OXR1: variants seen among roughly 807,000 people sequenced by gnomAD.
The protein encoded by OXR1 is oxidation resistance 1, also known as oxidation resistance protein 1.
Under a neutral mutation model 104.6 loss-of-function variants are expected in OXR1, and 41 were observed. That is an observed-to-expected ratio of 0.39 (90% CI 0.31 to 0.51). The LOEUF (loss-of-function observed/expected upper bound fraction) is 0.51. OXR1 is among the 20% of genes least tolerant of loss of function. The pLI, the probability that OXR1 is intolerant of heterozygous loss-of-function variation, is 0.77. For synonymous variants in OXR1, 348 were observed against 348.4 expected (o/e 1.00, Z 0.01); for missense variants, 955 against 1,031.9 (o/e 0.93, Z 1.02).
chr8:106,553,313 T>G (rs1243904999), intron 3 of OXR1, among the ~76,000 whole-genome samples: 1 of 111,488 alleles, frequency 9.0e-6, no homozygotes, highest in Non-Finnish European at 1.8e-5. Context: ...TTTCATGCAA[T>G]TTTCTTCTTT....
In OXR1 at chr8:106,407,573, T is replaced by C. The variant is rs117512348; in HGVS notation, c.23+47937T>C. On this transcript the variant is annotated intron_variant, in intron 2 of 16. Transcript: ENST00000517566. ...TTTATAGACACAGGCACTGAAATTC[T>C]CAAGAGTTAAACAGTTTCCCCAAGA... Among the ~76,000 whole-genome samples the C allele has an allele frequency of 0.011, 1,679 of 152,292 alleles. 70 individuals are homozygous for C. The South Asian group carries it at 0.12, about 11-fold the overall frequency.
At chr8:106,694,244 T>A (rs1034334460) in intron 7 of OXR1, among the ~76,000 whole-genome samples, 1 of 151,520 alleles carries the variant, frequency 6.6e-6, no homozygotes, top group Non-Finnish European at 1.5e-5. Flanking sequence ...ATTCCACAAG[T>A]GTCAATCAAA....
intron 1 of OXR1, among the ~76,000 whole-genome samples, chr8:106,308,085 G>A (rs1813539700): frequency 1.3e-5 from 2 of 151,970 alleles, no homozygotes; most frequent in Non-Finnish European, 2.9e-5. Flanking sequence ...TGGAGACTGA[G>A]AAGTTTCACA....
intron 3 of OXR1, among the ~76,000 whole-genome samples, chr8:106,592,185 G>A (rs922469294): frequency 1.3e-5 from 2 of 152,144 alleles, no homozygotes; most frequent in Non-Finnish European, 2.9e-5. Flanking sequence ...ACTACTGTGT[G>A]CCTACGTAGA....
At chr8:106,568,406 A>G (rs1373960159) in intron 3 of OXR1, among the ~76,000 whole-genome samples, 1 of 152,138 alleles carries the variant, frequency 6.6e-6, no homozygotes, top group Non-Finnish European at 1.5e-5. Context: ...TGCCTTTTCT[A>G]TGAAACCTTC....
At chr8:106,483,405 C>A (rs1380546061) in intron 2 of OXR1, among the ~76,000 whole-genome samples, 1 of 151,698 alleles carries the variant, frequency 6.6e-6, no homozygotes, top group Non-Finnish European at 1.5e-5. Flanking sequence ...GCCATTAAAA[C>A]CATCCACTTA....
At chr8:106,599,344 T>C (rs1009287725) in intron 3 of OXR1, among the ~76,000 whole-genome samples, 4 of 152,192 alleles carry the variant, frequency 2.6e-5, no homozygotes, top group Non-Finnish European at 5.9e-5. Flanking sequence ...TGTAACTCAG[T>C]GGTCAAAAAT....
intron 3 of OXR1, among the ~76,000 whole-genome samples, chr8:106,676,697 C>T (rs539800068): frequency 2.0e-5 from 3 of 151,874 alleles, no homozygotes; most frequent in Non-Finnish European, 4.4e-5. Flanking sequence ...GGTGACCTGG[C>T]CTTTTTCTCT....
chr8:106,515,358 A>G (rs1586745376), intron 2 of OXR1, among the ~76,000 whole-genome samples: 1 of 152,288 alleles, frequency 6.6e-6, no homozygotes, highest in African/African-American at 2.4e-5. Flanking sequence ...GAAATACACT[A>G]CATTGGTATT....
intron 3 of OXR1, among the ~76,000 whole-genome samples, chr8:106,571,372 G>A (rs541094184): frequency 1.3e-5 from 2 of 152,210 alleles, no homozygotes; most frequent in African/African-American, 4.8e-5. Context: ...CAGAGAGAGA[G>A]AAAGCTCTGT....
intron 3 of OXR1, among the ~76,000 whole-genome samples, chr8:106,569,759 A>G (rs1352417532): frequency 1.3e-5 from 2 of 152,226 alleles, no homozygotes; most frequent in African/African-American, 4.8e-5. Flanking sequence ...TTCAGTAAAT[A>G]ATGTTTTACA....
At chr8:106,404,089 G>A (rs1267790834) in intron 2 of OXR1, among the ~76,000 whole-genome samples, 4 of 152,120 alleles carry the variant, frequency 2.6e-5, no homozygotes, top group Non-Finnish European at 5.9e-5. Flanking sequence ...TTTTCAGATG[G>A]GGGTGGAAAG....
chr8:106,545,284 TTGTC>T (rs1467623283), intron 3 of OXR1, among the ~76,000 whole-genome samples: 3 of 152,344 alleles, frequency 2.0e-5, no homozygotes, highest in East Asian at 1.9e-4. Context: ...ATGTGATTGA[TTGTC>T]TGAAAACAAG....
At chr8:106,582,187 TATATATATATATATATGAAGGAAC>T (rs1818292052) in intron 3 of OXR1, among the ~76,000 whole-genome samples, 1 of 143,468 alleles carries the variant, frequency 7.0e-6, no homozygotes, top group Admixed American at 6.9e-5. Context: ...CATATATATA[TATATATATATATATATGAAGGAAC>T]ATATATATAT....
At position 106,375,826 on chromosome 8, in the gene OXR1, G is replaced by A. The variant is rs543401466; in HGVS notation, c.23+16190G>A. Among the ~76,000 whole-genome samples, 3 of 152,310 alleles carry A rather than the reference G, an allele frequency of 2.0e-5. No homozygotes were observed. In the East Asian group the frequency reaches 5.8e-4, roughly 29 times the overall value. ...AGGTGACATCATTTGGTTCCTATAA[G>A]GCTATTCTGTGCCTACCATATGCAG... On this transcript the variant is annotated intron_variant, in intron 2 of 16. Coordinates refer to ENST00000517566, the MANE Select transcript of OXR1 (RefSeq NM_001198533.2).
At chr8:106,376,068 C>G (rs1816895140) in intron 2 of OXR1, among the ~76,000 whole-genome samples, 1 of 152,206 alleles carries the variant, frequency 6.6e-6, no homozygotes. Context: ...AGGCTGGTCT[C>G]AAACTCCTGG....
rs1334663325 is a variant in OXR1, at chr8:106,751,966, A to G, written c.*1025A>G. 1 of 152,406 alleles carries G rather than the reference A, an allele frequency of 6.6e-6. No homozygotes were observed. The highest frequency in any genetic ancestry group is 1.5e-5 in the Non-Finnish European group (1 of 67,940). The allele number at this position is 152,406 out of a possible 1,614,324, so 9.4% of individuals were successfully genotyped here. ...AATGATTATAGTAGACAATATTGTA[A>G]CTCAGTAGACTTGTTGAATATGCAA... On this transcript the variant is annotated 3_prime_UTR_variant, in exon 17 of 17. Transcript: ENST00000517566.
chr8:106,449,658 T>A (rs1820205884), intron 2 of OXR1, among the ~76,000 whole-genome samples: 1 of 152,220 alleles, frequency 6.6e-6, no homozygotes, highest in South Asian at 2.1e-4. Context: ...TCTTAAAAAT[T>A]AAAATAAATC....
chr8:106,330,603 GT>G (rs1173925930), intron 1 of OXR1, among the ~76,000 whole-genome samples: 1 of 152,196 alleles, frequency 6.6e-6, no homozygotes, highest in Non-Finnish European at 1.5e-5. Flanking sequence ...GTTTTGGGGA[GT>G]TTTGGATGGG....
Sources: allele counts gnomAD v4.1 joint callset (sites outside exome capture counted in the v4.1 genomes callset), GRCh38; gene constraint gnomAD v4.1.1; transcripts MANE v1.5; gene names NCBI Gene and HGNC (gene_info 2026-07-23, HGNC 2026-07-21).